CEP43: variants seen among roughly 807,000 people sequenced by gnomAD.
CEP43 encodes centrosomal protein 43, also known as FGFR1 oncogene partner.
A neutral mutation model predicts 52.6 loss-of-function variants in CEP43; 36 were observed. That is an observed-to-expected ratio of 0.68 (90% confidence interval 0.52 to 0.90). The LOEUF is 0.90. Among genes scored for constraint, CEP43 ranks in the 40% least tolerant of loss-of-function variants. The pLI, the probability that CEP43 is intolerant of heterozygous loss-of-function variation, is 0.00. For missense variants in CEP43, 506 were observed against 472.8 expected (o/e 1.07, Z -0.65); for synonymous variants, 192 against 172.4 (o/e 1.11, Z -0.89).
At chr6:167,030,222 T>C (rs866536261) in intron 10 of CEP43, among the ~76,000 whole-genome samples, 13 of 152,208 alleles carry the variant, frequency 8.5e-5, no homozygotes, top group Non-Finnish European at 1.8e-4. Flanking sequence ...AAATCCACAT[T>C]GCAGCCACAG....
intron 5 of CEP43, among the ~76,000 whole-genome samples, chr6:167,006,114 G>A (rs1779846059): frequency 6.6e-6 from 1 of 152,184 alleles, no homozygotes. Flanking sequence ...AGGTCTGGAG[G>A]GGGTCTGAGG....
intron 5 of CEP43, among the ~76,000 whole-genome samples, chr6:167,006,594 C>T (rs1192722821): frequency 1.3e-5 from 2 of 152,158 alleles, no homozygotes; most frequent in East Asian, 1.9e-4. Flanking sequence ...ATAGCATTTA[C>T]ATTGTATTAG....
intron 3 of CEP43, 90 bp downstream of exon 3, chr6:167,003,337 T>C (rs968225175): frequency 5.6e-5 from 39 of 691,640 alleles, no homozygotes; most frequent in African/African-American, 1.5e-4. Context: ...CAGGGCTTTT[T>C]TTTTGTCTTC....
At chr6:167,023,079 G>T (rs1780275011) in intron 8 of CEP43, among the ~76,000 whole-genome samples, 1 of 152,218 alleles carries the variant, frequency 6.6e-6, no homozygotes, top group Non-Finnish European at 1.5e-5. Flanking sequence ...GAGGTGCCCA[G>T]TGAGCAAAGA....
intron 7 of CEP43, among the ~76,000 whole-genome samples, chr6:167,017,002 T>G (rs183031177): frequency 2.0e-5 from 3 of 150,516 alleles, no homozygotes; most frequent in Admixed American, 6.6e-5. Flanking sequence ...TTTTTTTTTT[T>G]TTTATTTTTT....
At chr6:167,034,026 AT>A in intron 12 of CEP43, 55 bp downstream of exon 12, 1 of 773,766 alleles carries the variant, frequency 1.3e-6, no homozygotes, top group Non-Finnish European at 2.1e-6. Context: ...CTATTTGTCG[AT>A]TTACTGTAAA....
intron 5 of CEP43, among the ~76,000 whole-genome samples, chr6:167,009,615 A>G (rs529648185): frequency 7.3e-5 from 11 of 150,200 alleles, no homozygotes; most frequent in Admixed American, 6.0e-4. Flanking sequence ...CAGTAAGCCA[A>G]GATCTCGCCA....
At chr6:167,000,037 C>T (rs2128656001) in intron 1 of CEP43, 23 bp from the exon 2 acceptor site, 13 of 1,592,370 alleles carry the variant, frequency 8.2e-6, no homozygotes, top group Non-Finnish European at 1.1e-5. Flanking sequence ...TTATAATTTC[C>T]TGTTTCTTAA....
intron 10 of CEP43, among the ~76,000 whole-genome samples, chr6:167,032,395 A>G (rs1459224496): frequency 6.6e-6 from 1 of 152,184 alleles, no homozygotes; most frequent in Non-Finnish European, 1.5e-5. Flanking sequence ...TGTTAACCAC[A>G]TTTTATAGTC....
rs573694912 is a variant in CEP43 at position 167,042,207 on chromosome 6, A to G, written c.*2229A>G. ...TTTCACATGTACTTTTTGATTAGGTATTATCAACTTATGAAACTTGAAGAT... is the reference window on the plus strand; with the variant it reads ...TTTCACATGTACTTTTTGATTAGGTGTTATCAACTTATGAAACTTGAAGAT... On this transcript the variant is annotated 3_prime_UTR_variant, in exon 13 of 13. Transcript: ENST00000366847. 10 of 1,005,438 alleles carry G rather than the reference A, an allele frequency of 9.9e-6. No homozygotes were observed. Among genetic ancestry groups the G allele is most frequent in the East Asian group, 1.5e-4 (2 of 13,700 alleles). 62.3% of individuals were successfully genotyped at this position (1,005,438 alleles called of 1,614,324 possible). A position where few individuals can be genotyped will look rare whatever the true frequency, so the allele number is the denominator to read the frequency against.
chr6:167,044,744 G>C lies in CEP43; in HGVS notation c.*4766G>C, dbSNP rs1269907115. ...CCCTGCCTGCAGAAACGTGTGCTCTGCTACAGCCCTGGGAGGAGGGGCCGG... is the reference window on the plus strand; with the variant it reads ...CCCTGCCTGCAGAAACGTGTGCTCTCCTACAGCCCTGGGAGGAGGGGCCGG... On this transcript the variant is annotated 3_prime_UTR_variant, in exon 13 of 13. Transcript: ENST00000366847. The C allele has an allele frequency of 5.7e-6, 1 of 175,198 alleles. No individual in the cohort carries two copies. Among genetic ancestry groups the C allele is most frequent in the Non-Finnish European group, 1.1e-5 (1 of 89,084 alleles). 10.9% of individuals were successfully genotyped at this position (175,198 alleles called of 1,614,324 possible).
chr6:167,007,623 T>A (rs956226572), intron 5 of CEP43, among the ~76,000 whole-genome samples: 2 of 152,238 alleles, frequency 1.3e-5, no homozygotes, highest in Non-Finnish European at 2.9e-5. Flanking sequence ...GAAAACCTGT[T>A]GTTTATAATG....
intron 12 of CEP43, among the ~76,000 whole-genome samples, chr6:167,034,314 A>G (rs186575185): frequency 6.6e-6 from 1 of 152,296 alleles, no homozygotes; most frequent in East Asian, 1.9e-4. Context: ...GGGTACTGTG[A>G]TCACAGGAGG....
intron 7 of CEP43, among the ~76,000 whole-genome samples, chr6:167,020,775 G>A (rs558312379): frequency 6.6e-6 from 1 of 152,160 alleles, no homozygotes; most frequent in South Asian, 2.1e-4. Context: ...CAAGCGTGGT[G>A]GCACGCGCCT....
intron 12 of CEP43, among the ~76,000 whole-genome samples, chr6:167,039,500 G>A (rs1780650319): frequency 6.6e-6 from 1 of 152,216 alleles, no homozygotes; most frequent in Non-Finnish European, 1.5e-5. Flanking sequence ...TCCAGTTGTT[G>A]ATTGATGGGC....
At chr6:167,022,355 A>G in intron 7 of CEP43, 54 bp from the exon 8 acceptor site, 2 of 1,270,668 alleles carry the variant, frequency 1.6e-6, no homozygotes, top group Non-Finnish European at 2.2e-6. Flanking sequence ...TATTGAAAAT[A>G]TCTTAAAGTT....
chr6:167,017,538 T>C (rs1780130504), intron 7 of CEP43, among the ~76,000 whole-genome samples: 1 of 151,802 alleles, frequency 6.6e-6, no homozygotes, highest in Non-Finnish European at 1.5e-5. Flanking sequence ...TGCAAAACAA[T>C]AGTATTTCTT....
chr6:167,000,268 A>T (rs985810471), intron 2 of CEP43, among the ~76,000 whole-genome samples, 155 bp downstream of exon 2: 6 of 152,216 alleles, frequency 3.9e-5, no homozygotes, highest in Non-Finnish European at 5.9e-5. Context: ...AGCCAAAATT[A>T]TTCTTTTTTC....
chr6:167,003,575 T>C (rs1779786013), intron 3 of CEP43, 148 bp from the exon 4 acceptor site: 1 of 579,528 alleles, frequency 1.7e-6, no homozygotes, highest in Non-Finnish European at 3.0e-6. Context: ...TTTTCATTAC[T>C]TAATCATATT....
Sources: gnomAD v4.1 joint callset for allele counts (sites outside exome capture counted in the v4.1 genomes callset) on GRCh38, gnomAD v4.1.1 for gene constraint, MANE v1.5 for transcripts, NCBI Gene and HGNC (gene_info 2026-07-23, HGNC 2026-07-21) for gene names.